ZFAT: variants seen among roughly 807,000 people sequenced by gnomAD.
ZFAT encodes the protein zinc finger protein ZFAT.
A neutral mutation model predicts 117.7 loss-of-function variants in ZFAT; 64 were observed. The observed-to-expected ratio is 0.54, with a 90% CI of 0.44 to 0.67. The LOEUF (loss-of-function observed/expected upper bound fraction) is 0.67. Ranked by LOEUF, ZFAT falls within the 30% of genes least tolerant of loss-of-function variation. ZFAT has a pLI of 0.00. For synonymous variants in ZFAT, 679 were observed against 615.0 expected, an observed-to-expected ratio of 1.10 and a Z score of -1.54; for missense variants, 1,433 against 1,584.5, an observed-to-expected ratio of 0.90 and a Z score of 1.62.
At chr8:134,776,511 C>A in the ZFAT span, among the ~76,000 whole-genome samples, 229 of 152,186 alleles carry the variant, frequency 1.5e-3, 2 homozygotes, top group South Asian at 0.024. Flanking sequence ...ACCATGTTGC[C>A]GAGGCTTCGT....
chr8:134,652,791 T>C (rs1255029883), intron 2 of ZFAT, among the ~76,000 whole-genome samples: 3 of 152,268 alleles, frequency 2.0e-5, no homozygotes, highest in East Asian at 3.9e-4. Context: ...GATGTGGATA[T>C]GGAAAAACAG....
At chr8:134,613,673 G>A (rs1041939542) in intron 3 of ZFAT, among the ~76,000 whole-genome samples, 3 of 152,192 alleles carry the variant, frequency 2.0e-5, no homozygotes, top group Non-Finnish European at 4.4e-5. Context: ...AAGCTGCTCC[G>A]TCTGAACAGC....
intron 12 of ZFAT, among the ~76,000 whole-genome samples, chr8:134,532,156 C>A (rs546624109): frequency 1.5e-3 from 221 of 152,278 alleles, no homozygotes; most frequent in African/African-American, 5.1e-3. Flanking sequence ...AAAAACCCCA[C>A]AAAGTTTTAA....
intron 12 of ZFAT, among the ~76,000 whole-genome samples, chr8:134,523,566 G>A (rs1305610302): frequency 2.6e-5 from 4 of 152,130 alleles, no homozygotes; most frequent in Non-Finnish European, 4.4e-5. Context: ...ATGGTCTTTC[G>A]AAAACACAGA....
upstream of ZFAT, among the ~76,000 whole-genome samples, chr8:134,715,544 A>G (rs1055083503): frequency 3.3e-5 from 5 of 152,248 alleles, no homozygotes; most frequent in Admixed American, 1.3e-4. Context: ...CACATTTTCA[A>G]TCAGCAAACA....
chr8:134,663,290 A>G (rs1238934358), intron 1 of ZFAT, among the ~76,000 whole-genome samples: 1 of 152,252 alleles, frequency 6.6e-6, no homozygotes, highest in Non-Finnish European at 1.5e-5. Context: ...ACTGAATGGC[A>G]CAGGGAAACG....
the ZFAT span, among the ~76,000 whole-genome samples, chr8:134,825,619 A>G: frequency 6.6e-6 from 1 of 152,236 alleles, no homozygotes; most frequent in African/African-American, 2.4e-5. Context: ...AACTATTGAC[A>G]ATTACTAAAA....
the ZFAT span, among the ~76,000 whole-genome samples, chr8:134,719,438 G>C: frequency 6.6e-6 from 1 of 152,196 alleles, no homozygotes; most frequent in Non-Finnish European, 1.5e-5. Context: ...GGGGACCAAA[G>C]AAGCCCAGCA....
chr8:134,832,333 T>C, the ZFAT span, among the ~76,000 whole-genome samples: 1 of 151,178 alleles, frequency 6.6e-6, no homozygotes, highest in African/African-American at 2.4e-5. Flanking sequence ...CGTGTACATG[T>C]CTCTGTGTGT....
At chr8:134,568,566 C>T (rs1747212741) in intron 10 of ZFAT, among the ~76,000 whole-genome samples, 1 of 152,150 alleles carries the variant, frequency 6.6e-6, no homozygotes, top group South Asian at 2.1e-4. Flanking sequence ...CAAAGAGTAA[C>T]AGATTAAGAG....
chr8:134,586,447 T>G (rs1563634973), intron 9 of ZFAT, among the ~76,000 whole-genome samples: 1 of 152,232 alleles, frequency 6.6e-6, no homozygotes, highest in Non-Finnish European at 1.5e-5. Context: ...ATGGAATTAT[T>G]TGTCCATCAT....
chr8:134,540,514 G>C (rs1282718816), intron 11 of ZFAT, among the ~76,000 whole-genome samples: 2 of 152,066 alleles, frequency 1.3e-5, no homozygotes, highest in East Asian at 3.9e-4. Flanking sequence ...ATGTAGCCCG[G>C]GACCTTGTGT....
intron 1 of ZFAT, among the ~76,000 whole-genome samples, chr8:134,684,405 C>A (rs1247293179): frequency 1.3e-5 from 2 of 152,220 alleles, no homozygotes; most frequent in African/African-American, 2.4e-5. Context: ...AGATCTCCAT[C>A]TTACAGGAGG....
the ZFAT span, among the ~76,000 whole-genome samples, chr8:134,758,165 A>T: frequency 6.6e-6 from 1 of 152,156 alleles, no homozygotes. Flanking sequence ...ACAGCCTGAG[A>T]CCATCCAGCA....
chr8:134,746,159 C>T, the ZFAT span, among the ~76,000 whole-genome samples: 1 of 152,186 alleles, frequency 6.6e-6, no homozygotes, highest in African/African-American at 2.4e-5. Flanking sequence ...ACCAACCAAT[C>T]AATGAAAAGA....
At chr8:134,738,555 T>G in the ZFAT span, among the ~76,000 whole-genome samples, 1 of 151,762 alleles carries the variant, frequency 6.6e-6, no homozygotes, top group Non-Finnish European at 1.5e-5. Context: ...AAAGGGGAGG[T>G]TGTCCTGAAA....
At chr8:134,644,359 G>A (rs1001186694) in intron 2 of ZFAT, among the ~76,000 whole-genome samples, 3 of 152,148 alleles carry the variant, frequency 2.0e-5, no homozygotes, top group Admixed American at 2.0e-4. Flanking sequence ...CGAGGCTCTC[G>A]GGAGACCCAT....
At chr8:134,600,742 T>G in intron 6 of ZFAT, 74 bp from the exon 7 acceptor site, 1 of 1,197,094 alleles carries the variant, frequency 8.4e-7, no homozygotes, top group African/African-American at 1.5e-5. Flanking sequence ...ATTATTATTA[T>G]TTTTTATCTA....
intron 1 of ZFAT, among the ~76,000 whole-genome samples, chr8:134,658,398 A>T (rs1831754085): frequency 6.6e-6 from 1 of 152,094 alleles, no homozygotes; most frequent in Non-Finnish European, 1.5e-5. Context: ...ACTGAACTGC[A>T]CACTGATGGC....
Sources: allele counts gnomAD v4.1 joint callset (sites outside exome capture counted in the v4.1 genomes callset), GRCh38; gene constraint gnomAD v4.1.1; transcripts MANE v1.5; gene names NCBI Gene and HGNC (gene_info 2026-07-23, HGNC 2026-07-21).